Variants in GRIK4 observed in about 807,000 individuals in gnomAD.
GRIK4 encodes glutamate ionotropic receptor kainate type subunit 4.
A neutral mutation model predicts 104.9 loss-of-function variants in GRIK4; 40 were observed. The observed-to-expected ratio is 0.38, with a 90% CI of 0.30 to 0.50. The LOEUF (loss-of-function observed/expected upper bound fraction) is 0.50, where lower values mean the gene tolerates loss of function less well. Ranked by LOEUF, GRIK4 falls within the 20% of genes least tolerant of loss-of-function variation. The pLI is 0.93. For missense variants in GRIK4, 1,047 were observed against 1,308.1 expected, an observed-to-expected ratio of 0.80 and a Z score of 3.08; for synonymous variants, 485 against 524.9, an observed-to-expected ratio of 0.92 and a Z score of 1.04.
chr11:120,566,656 G>A (rs1948327567), intron 1 of GRIK4, among the ~76,000 whole-genome samples: 1 of 152,068 alleles, frequency 6.6e-6, no homozygotes, highest in Admixed American at 6.6e-5. Flanking sequence ...CAACTAAGAG[G>A]GAGAGTCTAG....
At chr11:120,901,864 C>T (rs565184189) in intron 12 of GRIK4, among the ~76,000 whole-genome samples, 2 of 152,316 alleles carry the variant, frequency 1.3e-5, no homozygotes, top group Admixed American at 1.3e-4. Context: ...TGCTTATTCA[C>T]ATACGTGCAC....
chr11:120,626,645 CT>C (rs1225963455), intron 1 of GRIK4, among the ~76,000 whole-genome samples: 2 of 152,124 alleles, frequency 1.3e-5, no homozygotes, highest in Admixed American at 1.3e-4. Context: ...CAGTAGTCTC[CT>C]AGGCATCCCG....
chr11:120,636,335 G>T (rs187580656), intron 1 of GRIK4, among the ~76,000 whole-genome samples: 3 of 152,292 alleles, frequency 2.0e-5, no homozygotes, highest in Admixed American at 2.0e-4. Flanking sequence ...CCCTCCCATG[G>T]CACTCTGTCA....
At chr11:120,533,887 C>T (rs1947946494) in intron 1 of GRIK4, among the ~76,000 whole-genome samples, 1 of 151,924 alleles carries the variant, frequency 6.6e-6, no homozygotes, top group South Asian at 2.1e-4. Context: ...AAAACAAAAA[C>T]AAAAACAAAA....
Position 120,665,427 on chromosome 11 carries a change from A to AC in GRIK4, c.82+5027_82+5028insC, listed in dbSNP as rs560707738. 1.5e-3 allele frequency among the ~76,000 whole-genome samples: 234 copies of AC among 152,182 alleles called. 1 individual carries two copies. The Middle Eastern group carries it at 0.024, about 15-fold the overall frequency. On this transcript the variant is annotated intron_variant, in intron 3 of 20. Coordinates refer to ENST00000527524, the MANE Select transcript of GRIK4 (RefSeq NM_014619.5). ...TGACTTTCTCCTTCATCTGTCACCT[A>AC]GGGGGGGAATATAGAAGGATTTCTA...
chr11:120,571,254 C>T (rs1948394333), intron 1 of GRIK4, among the ~76,000 whole-genome samples: 1 of 152,152 alleles, frequency 6.6e-6, no homozygotes, highest in Non-Finnish European at 1.5e-5. Context: ...ATGGAGCGTG[C>T]TCTCCAGGAG....
intron 10 of GRIK4, 97 bp downstream of exon 10, chr11:120,874,315 G>A (rs572042258): frequency 9.4e-6 from 9 of 955,510 alleles, no homozygotes; most frequent in South Asian, 6.5e-5. Context: ...AGGCTTGCTC[G>A]AAATGTGTCT....
intron 1 of GRIK4, among the ~76,000 whole-genome samples, chr11:120,624,655 C>T (rs572489886): frequency 2.1e-4 from 32 of 152,296 alleles, no homozygotes; most frequent in Non-Finnish European, 4.1e-4. Flanking sequence ...TACCCTGCCG[C>T]GGAGTCTGGG....
chr11:120,817,567 C>G (rs1842620123), intron 5 of GRIK4, among the ~76,000 whole-genome samples: 1 of 152,268 alleles, frequency 6.6e-6, no homozygotes, highest in Non-Finnish European at 1.5e-5. Context: ...GCCCTTGTGG[C>G]TGGCTGCCTT....
intron 4 of GRIK4, among the ~76,000 whole-genome samples, chr11:120,807,812 C>G (rs112467199): frequency 6.6e-6 from 1 of 152,304 alleles, no homozygotes; most frequent in East Asian, 1.9e-4. Flanking sequence ...ATCATCTGGT[C>G]CAACCCCTTC....
intron 6 of GRIK4, among the ~76,000 whole-genome samples, chr11:120,824,087 AT>A (rs374552831): frequency 5.3e-5 from 8 of 152,296 alleles, no homozygotes; most frequent in African/African-American, 9.6e-5. Flanking sequence ...ATCTAATTCT[AT>A]TTTCCAGCCA....
intron 1 of GRIK4, among the ~76,000 whole-genome samples, chr11:120,541,256 C>G (rs931539129): frequency 2.0e-5 from 3 of 152,230 alleles, no homozygotes; most frequent in African/African-American, 7.2e-5. Context: ...GCTGATTGAC[C>G]CCTCCTTTGA....
chr11:120,942,789 T>G (rs543333409), intron 14 of GRIK4, among the ~76,000 whole-genome samples: 1 of 152,198 alleles, frequency 6.6e-6, no homozygotes, highest in Non-Finnish European at 1.5e-5. Flanking sequence ...TTATGTTGCT[T>G]AGATGCTTGG....
At chr11:120,664,790 C>G (rs1949880219) in intron 3 of GRIK4, among the ~76,000 whole-genome samples, 2 of 152,154 alleles carry the variant, frequency 1.3e-5, no homozygotes, top group Non-Finnish European at 2.9e-5. Flanking sequence ...TTAAAGGGCA[C>G]AAAGTCTAGT....
intron 12 of GRIK4, among the ~76,000 whole-genome samples, chr11:120,900,242 T>TAA (rs1396075857): frequency 6.6e-6 from 1 of 152,122 alleles, no homozygotes; most frequent in East Asian, 1.9e-4. Context: ...GTACAGGTTT[T>TAA]CCTGAGAAAT....
intron 3 of GRIK4, among the ~76,000 whole-genome samples, chr11:120,666,917 C>T (rs1433134621): frequency 6.6e-6 from 1 of 150,418 alleles, no homozygotes; most frequent in Middle Eastern, 3.2e-3. Flanking sequence ...GAGTCACTAG[C>T]AAGCTCTATT....
At chr11:120,765,408 C>G (rs185932339) in intron 3 of GRIK4, among the ~76,000 whole-genome samples, 10 of 152,018 alleles carry the variant, frequency 6.6e-5, no homozygotes, top group Non-Finnish European at 1.3e-4. Flanking sequence ...AGTACATGCT[C>G]CTTTAGCTCA....
intron 13 of GRIK4, among the ~76,000 whole-genome samples, chr11:120,932,384 G>A (rs1445049852): frequency 6.9e-6 from 1 of 144,872 alleles, no homozygotes; most frequent in African/African-American, 2.5e-5. Flanking sequence ...GGCAGTCCCC[G>A]CCCACCCTGA....
chr11:120,810,837 C>T (rs1027009394), intron 4 of GRIK4, among the ~76,000 whole-genome samples: 2 of 152,146 alleles, frequency 1.3e-5, no homozygotes, highest in African/African-American at 4.8e-5. Context: ...ATATCCTTAG[C>T]ACTGTAGTGT....
Sources: allele counts gnomAD v4.1 joint callset (sites outside exome capture counted in the v4.1 genomes callset), GRCh38; gene constraint gnomAD v4.1.1; transcripts MANE v1.5; gene names NCBI Gene and HGNC (gene_info 2026-07-23, HGNC 2026-07-21).